ADGRG4: variants seen among roughly 807,000 people sequenced by gnomAD.
ADGRG4 encodes the protein G protein-coupled receptor 112.
A neutral mutation model predicts 126.2 loss-of-function variants in ADGRG4; 122 were observed. The observed-to-expected ratio is 0.97, with a 90% confidence interval of 0.83 to 1.12. The LOEUF is 1.12. Ranked by LOEUF, ADGRG4 falls within the 50% of genes most tolerant of loss-of-function variation. The probability of loss-of-function intolerance (pLI) is 0.00; values close to 1 mark genes in which losing one functional copy is unlikely to be tolerated. For missense variants in ADGRG4, 2,481 were observed against 2,251.8 expected, an observed-to-expected ratio of 1.10 and a Z score of -2.06; for synonymous variants, 943 against 838.7, an observed-to-expected ratio of 1.12 and a Z score of -2.15.
At chrX:136,350,686 C>T (rs764677906) in intron 6 of ADGRG4, among the ~76,000 whole-genome samples, 1 of 111,649 alleles carries the variant, frequency 9.0e-6, no homozygotes, top group East Asian at 2.8e-4. Flanking sequence ...AATTTCTAAG[C>T]CTACTTTCCA....
intron 23 of ADGRG4, among the ~76,000 whole-genome samples, chrX:136,407,847 C>T (rs1461939495): frequency 2.7e-5 from 3 of 111,908 alleles, no homozygotes; most frequent in Non-Finnish European, 5.6e-5. Context: ...GATGGTTCTA[C>T]ACTTTTTCTC....
At chrX:136,321,152 A>G (rs919975029) in intron 4 of ADGRG4, among the ~76,000 whole-genome samples, 2 of 111,887 alleles carry the variant, frequency 1.8e-5, no homozygotes, top group Non-Finnish European at 3.8e-5. Flanking sequence ...GTCTTGTGGG[A>G]TTAACTCTTG....
chrX:136,334,728 C>T (rs894262717), intron 5 of ADGRG4, among the ~76,000 whole-genome samples: 8 of 111,957 alleles, frequency 7.1e-5, no homozygotes, highest in Non-Finnish European at 7.5e-5. Context: ...TCAGTTTCTG[C>T]GTGTTCATTT....
chrX:136,322,408 T>A (rs2074844502), intron 4 of ADGRG4, among the ~76,000 whole-genome samples: 1 of 111,498 alleles, frequency 9.0e-6, no homozygotes, highest in African/African-American at 3.3e-5. Flanking sequence ...TGAGTGAGGA[T>A]TATGTGTAGC....
chrX:136,387,753 A>G lies in ADGRG4; in HGVS notation c.7790A>G (p.Asn2597Ser). 8.3e-7 allele frequency: 1 copy of G among 1,207,036 alleles called. No individual in the cohort carries two copies. The change falls in exon 16 of 26, where the codon AAT (asparagine) becomes AGT (serine). Residue 2597 changes from asparagine to serine, a missense_variant. By Grantham distance (46) the Asn-to-Ser change is conservative. Coordinates refer to ENST00000394143, the MANE Select transcript of ADGRG4 (RefSeq NM_153834.4). ...TTTTCTTGGCAGATTTTCCTAGGCA[A>G]TGTCCCTGTGGGAGGGATTTTGGCT... ...EGTDPEIFLGNVPVGGILASI... is the reference protein window; with the variant it reads ...EGTDPEIFLGSVPVGGILASI...
chrX:136,388,910 C>T (rs890307559), intron 16 of ADGRG4, among the ~76,000 whole-genome samples: 8 of 112,248 alleles, frequency 7.1e-5, no homozygotes, highest in Non-Finnish European at 1.3e-4. Context: ...TATTTAAAGT[C>T]AATACAATAA....
intron 15 of ADGRG4, among the ~76,000 whole-genome samples, chrX:136,385,500 A>T (rs1370158325): frequency 8.9e-6 from 1 of 111,915 alleles, no homozygotes; most frequent in Admixed American, 9.5e-5. Flanking sequence ...TCCTCTCTCC[A>T]TTAATTGCAA....
At chrX:136,385,881 A>G (rs941191472) in intron 15 of ADGRG4, among the ~76,000 whole-genome samples, 6 of 111,643 alleles carry the variant, frequency 5.4e-5, no homozygotes, top group African/African-American at 1.6e-4. Flanking sequence ...TCAGGCATAT[A>G]TTTGGGCAGA....
Position 136,357,773 on chromosome X carries a change from G to A in ADGRG4, c.6980+17G>A, listed in dbSNP as rs753273117. 1.6e-5 allele frequency: 17 copies of A among 1,069,769 alleles called. No individual in the cohort carries two copies. Among genetic ancestry groups the A allele is most frequent in the South Asian group, 3.9e-5 (2 of 50,686 alleles). 88.2% of individuals were successfully genotyped at this position (1,069,769 alleles called of 1,213,427 possible). A position where few individuals can be genotyped will look rare whatever the true frequency, so the allele number is the denominator to read the frequency against. ...ACCATACAGGTAGGAAGTAGGAACT[G>A]AGTTTATTAATAGCTGGCACATTTA... is the stretch of plus-strand genomic sequence containing the variant. On this transcript the variant is annotated intron_variant, in intron 10 of 25. Transcript: ENST00000394143.
intron 17 of ADGRG4, 29 bp from the exon 18 acceptor site, chrX:136,393,506 A>G (rs1426073630): frequency 2.6e-6 from 3 of 1,162,715 alleles, no homozygotes; most frequent in East Asian, 3.0e-5. Context: ...ACAAGGCAAG[A>G]TGTTTACCTC....
intron 5 of ADGRG4, among the ~76,000 whole-genome samples, chrX:136,324,787 GC>G (rs1329364088): frequency 4.5e-5 from 5 of 111,742 alleles, no homozygotes; most frequent in Non-Finnish European, 9.4e-5. Flanking sequence ...GATGTTCCAG[GC>G]TCTTCTTGTA....
intron 4 of ADGRG4, 21 bp from the exon 5 acceptor site, chrX:136,322,757 C>T: frequency 8.7e-7 from 1 of 1,149,295 alleles, no homozygotes; most frequent in Non-Finnish European, 1.2e-6. Context: ...TTTCTCTTTC[C>T]CCTCCCCCAA....
intron 4 of ADGRG4, among the ~76,000 whole-genome samples, chrX:136,310,518 A>G (rs1226140504): frequency 3.6e-5 from 4 of 111,263 alleles, no homozygotes; most frequent in Non-Finnish European, 7.5e-5. Context: ...TGGAAAAAAA[A>G]GACCCTGTCC....
Position 136,372,883 on chromosome X carries a change from C to T in ADGRG4, c.7614-19C>T. The T allele has an allele frequency of 8.3e-7, 1 of 1,207,761 alleles. No individual in the cohort carries two copies. The highest frequency in any genetic ancestry group is 1.1e-6 in the Non-Finnish European group (1 of 891,877). ...TTTTAAAAGGTAGGATGCTCTTCTC[C>T]ATCTGTGGTTTCTTGCAGAATTCTG... On this transcript the variant is annotated intron_variant, in intron 14 of 25. Transcript: ENST00000394143.
At chrX:136,309,311 A>G (rs2074753455) in intron 4 of ADGRG4, among the ~76,000 whole-genome samples, 1 of 112,360 alleles carries the variant, frequency 8.9e-6, no homozygotes, top group African/African-American at 3.2e-5. Context: ...ACAGATTCAT[A>G]AAGCAATGGG....
At chrX:136,412,508 T>C (rs1026978677) in intron 24 of ADGRG4, 142 bp downstream of exon 24, 2 of 465,947 alleles carry the variant, frequency 4.3e-6, no homozygotes, top group African/African-American at 4.8e-5. Context: ...TGATTTGTGC[T>C]TTTGAGCTGA....
At chrX:136,301,946 T>C (rs2074703223) in intron 1 of ADGRG4, among the ~76,000 whole-genome samples, 1 of 112,101 alleles carries the variant, frequency 8.9e-6, no homozygotes, top group Non-Finnish European at 1.9e-5. Context: ...TGTATATCTC[T>C]GTTTTGGTAC....
At chrX:136,406,544 T>G (rs1461854820) in intron 23 of ADGRG4, among the ~76,000 whole-genome samples, 1 of 112,224 alleles carries the variant, frequency 8.9e-6, no homozygotes, top group Non-Finnish European at 1.9e-5. Flanking sequence ...CTCTTTTAAT[T>G]ATTTTCCTTT....
At chrX:136,399,770 T>G in intron 20 of ADGRG4, 78 bp from the exon 21 acceptor site, 1 of 836,233 alleles carries the variant, frequency 1.2e-6, no homozygotes, top group Non-Finnish European at 1.7e-6. Flanking sequence ...TCACTTATTA[T>G]GTAGATAAGA....
Sources: allele counts gnomAD v4.1 joint callset (sites outside exome capture counted in the v4.1 genomes callset), GRCh38; gene constraint gnomAD v4.1.1; transcripts MANE v1.5; gene names NCBI Gene and HGNC (gene_info 2026-07-23, HGNC 2026-07-21).